ERG: variants seen among roughly 807,000 people sequenced by gnomAD.
ERG encodes the protein transcriptional regulator ERG.
Under a neutral mutation model 55.3 loss-of-function variants are expected in ERG, and 9 were observed. The observed-to-expected ratio is 0.16, with a 90% CI of 0.10 to 0.28. The LOEUF is 0.28. ERG is among the 10% of genes least tolerant of loss of function. The pLI is 1.00. For synonymous variants in ERG, 223 were observed against 237.3 expected, an observed-to-expected ratio of 0.94 and a Z score of 0.55; for missense variants, 434 against 631.6, an observed-to-expected ratio of 0.69 and a Z score of 3.35.
At chr21:38,535,340 G>T (rs1358430517) in intron 2 of ERG, among the ~76,000 whole-genome samples, 1 of 152,128 alleles carries the variant, frequency 6.6e-6, no homozygotes, top group Non-Finnish European at 1.5e-5. Flanking sequence ...AAGTTCCAGA[G>T]ATTTGCTGCA....
chr21:38,529,869 G>T (rs112862850), intron 2 of ERG, among the ~76,000 whole-genome samples: 21,364 of 151,854 alleles, frequency 0.14, 1,628 homozygotes, highest in African/African-American at 0.19. Context: ...AGGAGGCTGA[G>T]GTAGGAGAAT....
chr21:38,454,799 G>A (rs1569112228), intron 1 of ERG, among the ~76,000 whole-genome samples: 1 of 152,150 alleles, frequency 6.6e-6, no homozygotes, highest in Admixed American at 6.5e-5. Flanking sequence ...CTTATTTTTT[G>A]TAAGTACTGG....
At chr21:38,438,568 C>T (rs1434239521) in intron 2 of ERG, among the ~76,000 whole-genome samples, 1 of 152,178 alleles carries the variant, frequency 6.6e-6, no homozygotes, top group African/African-American at 2.4e-5. Context: ...CTATCTGACC[C>T]GAGGCTGGAG....
chr21:38,392,343 T>C (rs2146431101), intron 7 of ERG, 33 bp downstream of exon 7: 2 of 1,537,606 alleles, frequency 1.3e-6, no homozygotes, highest in Non-Finnish European at 1.8e-6. Flanking sequence ...GCCTGTGACA[T>C]GAAACTCAGG....
chr21:38,385,265 GA>G (rs1987639959), intron 9 of ERG, among the ~76,000 whole-genome samples: 1 of 152,160 alleles, frequency 6.6e-6, no homozygotes, highest in African/African-American at 2.4e-5. Flanking sequence ...ACATATTTCA[GA>G]AGCTTAAGAA....
At chr21:38,384,695 C>T (rs1601315498) in intron 9 of ERG, among the ~76,000 whole-genome samples, 2 of 152,224 alleles carry the variant, frequency 1.3e-5, no homozygotes, top group East Asian at 3.9e-4. Flanking sequence ...AAATGAACTT[C>T]TAAAAGTTTA....
At chr21:38,604,230 G>T (rs549852666) in intron 1 of ERG, among the ~76,000 whole-genome samples, 1 of 150,066 alleles carries the variant, frequency 6.7e-6, no homozygotes, top group Non-Finnish European at 1.5e-5. Flanking sequence ...CTCCAGCCTG[G>T]GCGACAGAGC....
chr21:38,402,195 T>C (rs1351526949), intron 5 of ERG, among the ~76,000 whole-genome samples: 1 of 152,190 alleles, frequency 6.6e-6, no homozygotes, highest in Non-Finnish European at 1.5e-5. Flanking sequence ...AAGGGCCCTT[T>C]TATATCGAAC....
upstream of ERG, among the ~76,000 whole-genome samples, chr21:38,586,155 G>A (rs536143270): frequency 8.4e-4 from 99 of 117,650 alleles, 1 homozygote; most frequent in Middle Eastern, 8.8e-3. Flanking sequence ...TATATTTACC[G>A]TGTACAACAT....
At chr21:38,595,196 G>A (rs569270593) in intron 1 of ERG, among the ~76,000 whole-genome samples, 8 of 152,202 alleles carry the variant, frequency 5.3e-5, no homozygotes, top group African/African-American at 9.6e-5. Flanking sequence ...AGCACCTGCC[G>A]AGCAAAGTTT....
At chr21:38,554,183 CAT>C (rs999964366) in intron 2 of ERG, among the ~76,000 whole-genome samples, 39 of 152,200 alleles carry the variant, frequency 2.6e-4, no homozygotes, top group African/African-American at 8.7e-4. Flanking sequence ...AAAAATAACA[CAT>C]GTTGGTGAGG....
chr21:38,500,608 C>A (rs998888966), upstream of ERG, among the ~76,000 whole-genome samples: 2 of 152,222 alleles, frequency 1.3e-5, no homozygotes, highest in African/African-American at 4.8e-5. Flanking sequence ...TGCTCTCTCT[C>A]TCTCAATCTC....
At chr21:38,378,618 C>T (rs1396529413), downstream of ERG, among the ~76,000 whole-genome samples, 1 of 152,192 alleles carries the variant, frequency 6.6e-6, no homozygotes, top group East Asian at 1.9e-4. Flanking sequence ...GTCCTGGGTT[C>T]TCTCATTCCC....
chr21:38,611,117 C>T (rs765629620), intron 1 of ERG, among the ~76,000 whole-genome samples: 6 of 152,178 alleles, frequency 3.9e-5, no homozygotes, highest in East Asian at 3.9e-4. Context: ...CCTCGTGCCA[C>T]GCATCCAAAC....
intron 1 of ERG, among the ~76,000 whole-genome samples, chr21:38,458,354 GTGGAGGTTGCAGTGAGC>G (rs2059009220): frequency 6.6e-6 from 1 of 151,372 alleles, no homozygotes; most frequent in Admixed American, 6.6e-5. Flanking sequence ...AACCTGGGAG[GTGGAGGTTGCAGTGAGC>G]TGAGGTTGCG....
At chr21:38,447,357 C>T (rs2058901493) in intron 1 of ERG, among the ~76,000 whole-genome samples, 1 of 151,470 alleles carries the variant, frequency 6.6e-6, no homozygotes, top group South Asian at 2.1e-4. Flanking sequence ...AAAGACTAAG[C>T]CTGCTGTCCA....
chr21:38,625,056 G>A (rs2060316263), intron 1 of ERG, among the ~76,000 whole-genome samples: 1 of 152,112 alleles, frequency 6.6e-6, no homozygotes, highest in African/African-American at 2.4e-5. Context: ...TGTCATCACT[G>A]CTTGAGGAAG....
chr21:38,574,019 T>TA (rs2146861637), intron 2 of ERG, among the ~76,000 whole-genome samples: 1 of 152,358 alleles, frequency 6.6e-6, no homozygotes, highest in South Asian at 2.1e-4. Context: ...ATTAGCTTTT[T>TA]AAAACCTGTA....
At chr21:38,644,704 TG>T (rs904852116) in intron 1 of ERG, among the ~76,000 whole-genome samples, 22 of 150,734 alleles carry the variant, frequency 1.5e-4, no homozygotes, top group Non-Finnish European at 2.5e-4. Flanking sequence ...TTAAATATTT[TG>T]GGGGAAAAAA....
Sources: allele counts gnomAD v4.1 joint callset (sites outside exome capture counted in the v4.1 genomes callset), GRCh38; gene constraint gnomAD v4.1.1; transcripts MANE v1.5; gene names NCBI Gene and HGNC (gene_info 2026-07-23, HGNC 2026-07-21).